The following RGS6 variants were observed in gnomAD, a reference collection of about 807,000 sequenced individuals.
RGS6 encodes regulator of G protein signaling 6.
In RGS6, 30 loss-of-function variants were observed where a neutral mutation model predicts 78.5. The ratio of observed to expected loss-of-function variants is 0.38; its 90% confidence interval spans 0.29 to 0.52. RGS6 has a LOEUF of 0.52. Ranked by LOEUF, RGS6 falls within the 20% of genes least tolerant of loss-of-function variation. RGS6 has a pLI of 0.85. For missense variants in RGS6, 495 were observed against 609.7 expected (o/e 0.81, Z 1.98); for synonymous variants, 206 against 206.0 (o/e 1.00, Z 0.00).
At position 72,144,434 on chromosome 14, in the gene RGS6, A is replaced by G. The variant is rs144362515; in HGVS notation, c.84+179559A>G. 5.2e-3 allele frequency among the ~76,000 whole-genome samples: 795 copies of G among 152,354 alleles called. 12 individuals carry two copies. Among genetic ancestry groups the G allele is most frequent in the African/African-American group, 0.018 (768 of 41,580 alleles). ...GGAGAAGCTTCTCTTTCATGAGTTCATAGATCAACAGTGGAAAGATGATTG... is the reference window on the plus strand; with the variant it reads ...GGAGAAGCTTCTCTTTCATGAGTTCGTAGATCAACAGTGGAAAGATGATTG... On this transcript the variant is annotated intron_variant, in intron 2 of 17. Transcript: ENST00000553525.
the RGS6 span, among the ~76,000 whole-genome samples, chr14:71,896,801 G>A: frequency 6.6e-6 from 1 of 152,184 alleles, no homozygotes; most frequent in Non-Finnish European, 1.5e-5. Flanking sequence ...CACTGATTAG[G>A]GATAACTTTC....
intron 2 of RGS6, among the ~76,000 whole-genome samples, chr14:72,324,260 T>C (rs1307695043): frequency 6.6e-6 from 1 of 152,194 alleles, no homozygotes; most frequent in Non-Finnish European, 1.5e-5. Flanking sequence ...AAAAATGTTA[T>C]TGAAACAACT....
chr14:72,209,457 C>A (rs17769097), intron 2 of RGS6, among the ~76,000 whole-genome samples: 68,176 of 151,892 alleles, frequency 0.45, 15,660 homozygotes, highest in Middle Eastern at 0.6. Context: ...TTAAAATCTG[C>A]CATTTTGGTA....
At chr14:71,982,057 C>T (rs996249280) in intron 2 of RGS6, among the ~76,000 whole-genome samples, 84 of 151,944 alleles carry the variant, frequency 5.5e-4, no homozygotes, top group African/African-American at 1.7e-3. Flanking sequence ...TTCCAGGTGC[C>T]CTCCGTCACC....
At chr14:72,008,771 T>A (rs1295607303) in intron 2 of RGS6, among the ~76,000 whole-genome samples, 1 of 152,180 alleles carries the variant, frequency 6.6e-6, no homozygotes, top group Non-Finnish European at 1.5e-5. Context: ...AGGCTTCAGA[T>A]GATGCAGACC....
the RGS6 span, among the ~76,000 whole-genome samples, chr14:71,873,830 G>T: frequency 6.6e-6 from 1 of 152,214 alleles, no homozygotes; most frequent in Non-Finnish European, 1.5e-5. Context: ...AAGATGTAAA[G>T]AAGGGATCCC....
At chr14:72,224,798 T>C (rs920512171) in intron 2 of RGS6, among the ~76,000 whole-genome samples, 3 of 152,126 alleles carry the variant, frequency 2.0e-5, no homozygotes, top group Non-Finnish European at 4.4e-5. Flanking sequence ...CAAGAGCCTC[T>C]GACCTGAGCC....
Position 72,057,135 on chromosome 14 carries a change from G to GA in RGS6, c.84+92263dup, listed in dbSNP as rs200286059. 4.0e-3 allele frequency among the ~76,000 whole-genome samples: 612 copies of GA among 151,940 alleles called. 4 individuals carry two copies. Among genetic ancestry groups the GA allele is most frequent in the African/African-American group, 0.013 (559 of 41,418 alleles). ...TCGAGACCAGCCTAGGCAACATGGT[G>GA]AAACCCCATCTCTACTAAAAATACA... On this transcript the variant is annotated intron_variant, in intron 2 of 17. Transcript: ENST00000553525.
chr14:72,436,481 C>G lies in RGS6; in HGVS notation c.185-18047C>G, dbSNP rs10134601. Among the ~76,000 whole-genome samples, 1,522 of 152,280 alleles carry G rather than the reference C, an allele frequency of 1.0e-2. 35 individuals carry two copies. The highest frequency in any genetic ancestry group is 0.035 in the African/African-American group (1,473 of 41,560). On this transcript the variant is annotated intron_variant, in intron 3 of 17. Transcript: ENST00000553525. ...TTATTGATCAGTTCAGCCTCTGGCT[C>G]TGCCTATACACTGAGCCATACAACC...
rs188162583 is a variant in RGS6 at position 72,455,983 on chromosome 14, A to G, written c.235+1405A>G. On this transcript the variant is annotated intron_variant, in intron 4 of 17. Transcript: ENST00000553525. ...ATTATTACTATTATGAGAACCCTAA[A>G]TTGGCGAGCAGTATGTGAGAATGAG... 2.2e-4 allele frequency among the ~76,000 whole-genome samples: 34 copies of G among 152,280 alleles called. No homozygotes were observed. In the East Asian group the frequency reaches 5.4e-3, roughly 24 times the overall value.
chr14:72,611,677 G>A, the RGS6 span, among the ~76,000 whole-genome samples: 2 of 152,168 alleles, frequency 1.3e-5, no homozygotes, highest in East Asian at 1.9e-4. Flanking sequence ...CTCCAGGCCA[G>A]GTGACTTCAT....
intron 17 of RGS6, chr14:72,552,886 A>G (rs902531009): frequency 7.2e-5 from 11 of 152,154 alleles, no homozygotes; most frequent in African/African-American, 2.7e-4. Context: ...TATGTATTTT[A>G]AGGTGAATGC....
intron 3 of RGS6, among the ~76,000 whole-genome samples, chr14:72,419,859 A>G (rs115555953): frequency 6.6e-6 from 1 of 152,204 alleles, no homozygotes; most frequent in Non-Finnish European, 1.5e-5. Context: ...GTAGGAATTT[A>G]AAAACATAGA....
At chr14:72,440,922 G>A (rs1179763869) in intron 3 of RGS6, among the ~76,000 whole-genome samples, 1 of 151,970 alleles carries the variant, frequency 6.6e-6, no homozygotes. Flanking sequence ...GTAAGTGGGT[G>A]TGAATATGTG....
chr14:72,597,272 T>C, the RGS6 span, among the ~76,000 whole-genome samples: 2 of 151,774 alleles, frequency 1.3e-5, no homozygotes, highest in Non-Finnish European at 2.9e-5. Context: ...GTTGTGAGGA[T>C]TAAATGTGAT....
Position 72,132,208 on chromosome 14 carries a change from G to A in RGS6, c.84+167333G>A, listed in dbSNP as rs367635888. ...AAATTAAGCATCTGACAGGTACCAG[G>A]CACTATATTTGGTTCTAGTGTTCCA... On this transcript the variant is annotated intron_variant, in intron 2 of 17. Coordinates refer to ENST00000553525, the MANE Select transcript of RGS6 (RefSeq NM_001204424.2). Among the ~76,000 whole-genome samples the A allele has an allele frequency of 5.3e-5, 8 of 151,978 alleles. No homozygotes were observed. The East Asian group carries it at 1.4e-3, about 26-fold the overall frequency.
chr14:72,431,521 T>C (rs958022623), intron 3 of RGS6, among the ~76,000 whole-genome samples: 1 of 129,792 alleles, frequency 7.7e-6, no homozygotes, highest in African/African-American at 3.0e-5. Context: ...CTTTATTTTG[T>C]TTTATTTATT....
chr14:72,213,211 A>G (rs1054102158), intron 2 of RGS6, among the ~76,000 whole-genome samples: 3 of 152,086 alleles, frequency 2.0e-5, no homozygotes, highest in Non-Finnish European at 4.4e-5. Flanking sequence ...ACTCCTGTAT[A>G]TTTCAAACTG....
At chr14:72,195,763 C>T (rs1210685822) in intron 2 of RGS6, among the ~76,000 whole-genome samples, 1 of 152,144 alleles carries the variant, frequency 6.6e-6, no homozygotes, top group Non-Finnish European at 1.5e-5. Flanking sequence ...TGTAGAGTCA[C>T]AGAAAGGTGG....
Sources: gnomAD v4.1 joint callset for allele counts (sites outside exome capture counted in the v4.1 genomes callset) on GRCh38, gnomAD v4.1.1 for gene constraint, MANE v1.5 for transcripts, NCBI Gene and HGNC (gene_info 2026-07-23, HGNC 2026-07-21) for gene names.